CHCHD3: variants seen among roughly 807,000 people sequenced by gnomAD.
CHCHD3 encodes MICOS complex subunit MIC19.
A neutral mutation model predicts 38.2 loss-of-function variants in CHCHD3; 20 were observed. That is an observed-to-expected ratio of 0.52 (90% confidence interval 0.37 to 0.76). The LOEUF (loss-of-function observed/expected upper bound fraction) is 0.76, where lower values mean the gene tolerates loss of function less well. CHCHD3 is among the 30% of genes least tolerant of loss of function. The probability of loss-of-function intolerance (pLI) is 0.00; values close to 1 mark genes in which losing one functional copy is unlikely to be tolerated. For missense variants in CHCHD3, 245 were observed against 279.2 expected (o/e 0.88, Z 0.87); for synonymous variants, 82 against 100.0 (o/e 0.82, Z 1.07).
chr7:133,080,150 G>T (rs116284125), intron 1 of CHCHD3, among the ~76,000 whole-genome samples: 54 of 152,110 alleles, frequency 3.6e-4, no homozygotes, highest in African/African-American at 1.3e-3. Context: ...AAAGCATAGA[G>T]GTAAAAATGA....
intron 4 of CHCHD3, among the ~76,000 whole-genome samples, chr7:132,923,644 T>G (rs1360041654): frequency 1.3e-5 from 2 of 152,116 alleles, no homozygotes; most frequent in Admixed American, 1.3e-4. Context: ...ACATATAAAA[T>G]AGTACAACAA....
intron 6 of CHCHD3, among the ~76,000 whole-genome samples, chr7:132,818,286 G>A (rs748089324): frequency 3.3e-5 from 5 of 152,162 alleles, no homozygotes; most frequent in African/African-American, 4.8e-5. Flanking sequence ...TGTCCACGAC[G>A]TGGCAAGACT....
rs540966876 is a variant in CHCHD3, at chr7:133,067,973, G to A, written c.169+2169C>T. On this transcript the variant is annotated intron_variant, in intron 2 of 7. Transcript: ENST00000262570. ...CTACTAAAAATATAAAAAATTAGCC[G>A]GGCGTGGTGGTGGGAGCCTGTAGTC... Among the ~76,000 whole-genome samples, 116 of 152,156 alleles carry A rather than the reference G, an allele frequency of 7.6e-4. 1 individual carries two copies. The highest frequency in any genetic ancestry group is 1.5e-3 in the Non-Finnish European group (104 of 68,006).
At chr7:132,951,723 G>C (rs1460757563) in intron 4 of CHCHD3, among the ~76,000 whole-genome samples, 1 of 152,160 alleles carries the variant, frequency 6.6e-6, no homozygotes, top group African/African-American at 2.4e-5. Context: ...AAGAAATATA[G>C]AATTTGCAGT....
intron 1 of CHCHD3, among the ~76,000 whole-genome samples, chr7:133,074,143 T>C (rs1814909365): frequency 6.6e-6 from 1 of 152,214 alleles, no homozygotes; most frequent in Non-Finnish European, 1.5e-5. Flanking sequence ...CCTTTCTGCC[T>C]TTCCACTAGA....
chr7:132,990,276 T>G (rs897387963), intron 3 of CHCHD3, among the ~76,000 whole-genome samples: 3 of 152,214 alleles, frequency 2.0e-5, no homozygotes, highest in Admixed American at 2.0e-4. Context: ...CTCCTCCCCA[T>G]GCATCCTCCC....
rs71178076 is a variant in CHCHD3 at position 133,009,363 on chromosome 7, C to CAAAA, written c.251+15179_251+15182dup. ...TGGGTGACAGTGCGAGACTCTGTCTCAAAAAAAAAAAAAAAAAAAAAGTAC... is the reference window on the plus strand; with the variant it reads ...TGGGTGACAGTGCGAGACTCTGTCTCAAAAAAAAAAAAAAAAAAAAAAAAAGTAC... On this transcript the variant is annotated intron_variant, in intron 3 of 7. Transcript: ENST00000262570. Among the ~76,000 whole-genome samples, 58 of 67,282 alleles carry CAAAA rather than the reference C, an allele frequency of 8.6e-4. 1 individual carries two copies. Among genetic ancestry groups the CAAAA allele is most frequent in the South Asian group, 2.3e-3 (4 of 1,706 alleles). 44.1% of individuals were successfully genotyped at this position (67,282 alleles called of 152,430 possible).
intron 3 of CHCHD3, among the ~76,000 whole-genome samples, chr7:133,013,521 T>C (rs1460680356): frequency 2.0e-5 from 3 of 152,204 alleles, no homozygotes; most frequent in African/African-American, 7.2e-5. Context: ...TCAAAACTGT[T>C]AGCTATTACT....
intron 2 of CHCHD3, among the ~76,000 whole-genome samples, chr7:133,059,417 GA>G (rs1270625843): frequency 1.3e-5 from 2 of 152,176 alleles, no homozygotes; most frequent in East Asian, 3.8e-4. Flanking sequence ...CCCAATGGAG[GA>G]GGAAAGTGAG....
At chr7:132,785,691 C>A (rs1307456288) in intron 7 of CHCHD3, 31 bp from the exon 8 acceptor site, 1 of 1,612,478 alleles carries the variant, frequency 6.2e-7, no homozygotes, top group Admixed American at 1.7e-5. Context: ...GTAAGTTTTA[C>A]CACCGGGAGA....
intron 5 of CHCHD3, among the ~76,000 whole-genome samples, chr7:132,851,392 G>A (rs763729645): frequency 3.3e-5 from 5 of 151,944 alleles, no homozygotes; most frequent in East Asian, 1.9e-4. Flanking sequence ...CTCATTTATC[G>A]CAAATATAAG....
At chr7:133,006,427 G>A (rs941507943) in intron 3 of CHCHD3, among the ~76,000 whole-genome samples, 4 of 151,618 alleles carry the variant, frequency 2.6e-5, no homozygotes, top group Non-Finnish European at 4.4e-5. Context: ...AGATCGCGCC[G>A]CTGCACTCCA....
At chr7:132,938,834 G>A (rs986390889) in intron 4 of CHCHD3, among the ~76,000 whole-genome samples, 4 of 150,722 alleles carry the variant, frequency 2.7e-5, no homozygotes, top group African/African-American at 7.3e-5. Flanking sequence ...GAGGAGATGC[G>A]GCTGCGAGGT....
intron 5 of CHCHD3, among the ~76,000 whole-genome samples, chr7:132,866,029 T>C (rs1286383638): frequency 1.3e-5 from 2 of 152,320 alleles, no homozygotes; most frequent in Non-Finnish European, 2.9e-5. Flanking sequence ...TCTTTCGGCC[T>C]GTAACAACCA....
intron 3 of CHCHD3, among the ~76,000 whole-genome samples, chr7:133,007,391 T>C (rs1038028045): frequency 1.2e-4 from 18 of 152,248 alleles, no homozygotes; most frequent in African/African-American, 4.3e-4. Flanking sequence ...TTAGTTAAAC[T>C]GACTTCTAAG....
In CHCHD3 at chr7:132,811,028, C is replaced by T. The variant is rs191217484; in HGVS notation, c.525-14451G>A. 5.3e-3 allele frequency among the ~76,000 whole-genome samples: 811 copies of T among 152,274 alleles called. 2 individuals are homozygous for T. Among genetic ancestry groups the T allele is most frequent in the Admixed American group, 0.011 (165 of 15,300 alleles). On this transcript the variant is annotated intron_variant, in intron 6 of 7. Transcript: ENST00000262570. Reference sequence around the variant, plus strand: ...CTCAAAAATCTCGCCTGGTTCTTTTCCCTTTCCACCCTTGGCTAATGTGCT... The same window carrying T: ...CTCAAAAATCTCGCCTGGTTCTTTTTCCTTTCCACCCTTGGCTAATGTGCT...
intron 4 of CHCHD3, among the ~76,000 whole-genome samples, chr7:132,921,018 G>T (rs1323447865): frequency 3.3e-5 from 5 of 152,092 alleles, no homozygotes; most frequent in African/African-American, 2.4e-5. Flanking sequence ...TGGATAAAAT[G>T]GCAATTGATA....
At chr7:133,026,197 G>A (rs1468103677) in intron 2 of CHCHD3, among the ~76,000 whole-genome samples, 2 of 152,074 alleles carry the variant, frequency 1.3e-5, no homozygotes, top group African/African-American at 2.4e-5. Flanking sequence ...ATAATAAAAA[G>A]ACAACTCAAT....
At chr7:132,990,908 G>A (rs549731308) in intron 3 of CHCHD3, among the ~76,000 whole-genome samples, 29 of 150,188 alleles carry the variant, frequency 1.9e-4, no homozygotes, top group African/African-American at 6.7e-4. Flanking sequence ...GGAGCTGAGA[G>A]GTGGATGTGA....
Sources: allele counts gnomAD v4.1 joint callset (sites outside exome capture counted in the v4.1 genomes callset), GRCh38; gene constraint gnomAD v4.1.1; transcripts MANE v1.5; gene names NCBI Gene and HGNC (gene_info 2026-07-23, HGNC 2026-07-21).